Variants in BCL2 observed in about 807,000 individuals in gnomAD.
BCL2 encodes the protein apoptosis regulator Bcl-2.
BCL2 carries 1 observed loss-of-function variant against 14.2 expected under a neutral mutation model. The observed-to-expected ratio is 0.07, with a 90% CI of 0.02 to 0.33. BCL2 has a LOEUF of 0.33. BCL2 is among the 10% of genes least tolerant of loss of function. The pLI, the probability that BCL2 is intolerant of heterozygous loss-of-function variation, is 0.99. For synonymous variants in BCL2, 151 were observed against 137.2 expected (o/e 1.10, Z -0.70); for missense variants, 247 against 305.9 (o/e 0.81, Z 1.44).
intron 2 of BCL2, among the ~76,000 whole-genome samples, chr18:63,263,125 C>T (rs1214037206): frequency 1.3e-5 from 2 of 152,082 alleles, no homozygotes; most frequent in African/African-American, 4.8e-5. Context: ...TAGGGGGCAG[C>T]GAGGGTGGAC....
At position 63,125,812 on chromosome 18, in the gene BCL2, T is replaced by G. The variant is rs907343124; in HGVS notation, c.*2813A>C. 3 of 218,618 alleles carry G rather than the reference T, an allele frequency of 1.4e-5. No individual in the cohort carries two copies. Among genetic ancestry groups the G allele is most frequent in the African/African-American group, 6.7e-5 (3 of 44,520 alleles). The allele number at this position is 218,618 out of a possible 1,614,324, so 13.5% of individuals were successfully genotyped here. A position where few individuals can be genotyped will look rare whatever the true frequency, so the allele number is the denominator to read the frequency against. On this transcript the variant is annotated 3_prime_UTR_variant, in exon 3 of 3. Transcript: ENST00000333681. ...AAGTGCAGCCACAATACTGTACAGTTCTGGGGCCAAGAGGCTGGGCACATT... is the reference window on the plus strand; with the variant it reads ...AAGTGCAGCCACAATACTGTACAGTGCTGGGGCCAAGAGGCTGGGCACATT...
intron 2 of BCL2, among the ~76,000 whole-genome samples, chr18:63,290,113 G>A (rs1340459055): frequency 6.6e-6 from 1 of 152,120 alleles, no homozygotes; most frequent in African/African-American, 2.4e-5. Context: ...TTTTGAGCCT[G>A]GGTGATCGGA....
chr18:63,288,151 T>C (rs573701611), intron 2 of BCL2, among the ~76,000 whole-genome samples: 1 of 152,322 alleles, frequency 6.6e-6, no homozygotes, highest in South Asian at 2.1e-4. Context: ...GTGCAATATC[T>C]TTCCACAAAT....
At chr18:63,270,656 G>A (rs1274419567) in intron 2 of BCL2, among the ~76,000 whole-genome samples, 1 of 152,130 alleles carries the variant, frequency 6.6e-6, no homozygotes, top group Non-Finnish European at 1.5e-5. Flanking sequence ...GGGACAATAG[G>A]AGGAGGAGGA....
rs185438380 is a variant in BCL2, at chr18:63,280,982, T to C, written c.585+37100A>G. Among the ~76,000 whole-genome samples, 29 of 152,264 alleles carry C rather than the reference T, an allele frequency of 1.9e-4. No homozygotes were observed. The East Asian group carries it at 5.2e-3, about 27-fold the overall frequency. On this transcript the variant is annotated intron_variant, in intron 2 of 2. Coordinates refer to ENST00000333681, the MANE Select transcript of BCL2 (RefSeq NM_000633.3). ...GAGAAACAATATGTAGTAGATCCAT[T>C]CAATGGAATATCATTCAGCCTTCAA...
At chr18:63,164,009 T>A (rs1187047378) in intron 2 of BCL2, among the ~76,000 whole-genome samples, 1 of 152,208 alleles carries the variant, frequency 6.6e-6, no homozygotes, top group Non-Finnish European at 1.5e-5. Flanking sequence ...CAGTTATGTG[T>A]ACTAAATCCA....
At chr18:63,185,959 A>T (rs532076711) in intron 2 of BCL2, among the ~76,000 whole-genome samples, 4 of 152,228 alleles carry the variant, frequency 2.6e-5, no homozygotes, top group African/African-American at 9.6e-5. Flanking sequence ...AACAGCTTGG[A>T]GCTTTAGGAT....
intron 2 of BCL2, among the ~76,000 whole-genome samples, chr18:63,187,392 G>A (rs1268404099): frequency 1.3e-5 from 2 of 152,170 alleles, no homozygotes; most frequent in Admixed American, 6.5e-5. Flanking sequence ...GATGTACTGT[G>A]TGCCCTTTTA....
intron 2 of BCL2, among the ~76,000 whole-genome samples, chr18:63,155,826 C>G (rs1393979325): frequency 6.6e-6 from 1 of 152,114 alleles, no homozygotes. Flanking sequence ...CTTTCTTTCT[C>G]CAGAGTGCTT....
At chr18:63,301,942 CT>C (rs1368758874) in intron 2 of BCL2, among the ~76,000 whole-genome samples, 1 of 152,156 alleles carries the variant, frequency 6.6e-6, no homozygotes, top group Admixed American at 6.5e-5. Context: ...ATAATGCAGT[CT>C]TTTAAATATT....
chr18:63,162,074 G>A (rs942631648), intron 2 of BCL2, among the ~76,000 whole-genome samples: 4 of 152,112 alleles, frequency 2.6e-5, no homozygotes, highest in Non-Finnish European at 4.4e-5. Flanking sequence ...TGTCAGACAT[G>A]AGCAGCCAGG....
At chr18:63,217,227 A>C (rs1009023548) in intron 2 of BCL2, among the ~76,000 whole-genome samples, 5 of 152,250 alleles carry the variant, frequency 3.3e-5, no homozygotes, top group Admixed American at 2.0e-4. Context: ...CGTCATCATG[A>C]AACTGAAATG....
At chr18:63,307,202 G>A (rs988930881) in intron 2 of BCL2, among the ~76,000 whole-genome samples, 4 of 152,082 alleles carry the variant, frequency 2.6e-5, no homozygotes, top group Non-Finnish European at 5.9e-5. Flanking sequence ...CAGGTAGAGA[G>A]GTTTTAAAAA....
At chr18:63,256,178 C>G (rs1389646653) in intron 2 of BCL2, among the ~76,000 whole-genome samples, 1 of 152,148 alleles carries the variant, frequency 6.6e-6, no homozygotes, top group Admixed American at 6.5e-5. Context: ...TATATTACCT[C>G]AAGCTGGTAA....
At chr18:63,256,160 T>G (rs982476102) in intron 2 of BCL2, among the ~76,000 whole-genome samples, 1 of 152,200 alleles carries the variant, frequency 6.6e-6, no homozygotes, top group African/African-American at 2.4e-5. Flanking sequence ...TGCTTAAGTT[T>G]TACTAGTTAT....
At chr18:63,304,256 T>C (rs1433410340) in intron 2 of BCL2, among the ~76,000 whole-genome samples, 1 of 152,184 alleles carries the variant, frequency 6.6e-6, no homozygotes, top group East Asian at 1.9e-4. Flanking sequence ...CTGTTATAGC[T>C]CCAGCCCCTA....
intron 2 of BCL2, among the ~76,000 whole-genome samples, chr18:63,168,164 A>G (rs941801787): frequency 2.0e-5 from 3 of 152,226 alleles, no homozygotes; most frequent in African/African-American, 7.2e-5. Context: ...AAGAGTGCCC[A>G]TGCCTCCTTG....
chr18:63,155,135 A>AGAAC (rs1914742829), intron 2 of BCL2, among the ~76,000 whole-genome samples: 1 of 152,212 alleles, frequency 6.6e-6, no homozygotes, highest in Middle Eastern at 3.2e-3. Flanking sequence ...GGCTGGGGTG[A>AGAAC]GAACGACACG....
At chr18:63,215,569 T>C (rs1183977996) in intron 2 of BCL2, among the ~76,000 whole-genome samples, 1 of 152,034 alleles carries the variant, frequency 6.6e-6, no homozygotes, top group Non-Finnish European at 1.5e-5. Context: ...TGTAGAAGCA[T>C]AAAGTATGGA....
Sources: allele counts gnomAD v4.1 joint callset (sites outside exome capture counted in the v4.1 genomes callset), GRCh38; gene constraint gnomAD v4.1.1; transcripts MANE v1.5; gene names NCBI Gene and HGNC (gene_info 2026-07-23, HGNC 2026-07-21).